The following PCDHGA1 variants were observed in gnomAD, a reference collection of about 807,000 sequenced individuals.
The protein encoded by PCDHGA1 is protocadherin gamma subfamily A, 1, also known as protocadherin gamma-A1.
PCDHGA1 carries 32 observed loss-of-function variants against 58.0 expected under a neutral mutation model. The ratio of observed to expected loss-of-function variants is 0.55; its 90% confidence interval spans 0.42 to 0.74. The LOEUF (loss-of-function observed/expected upper bound fraction) is 0.74. Among genes scored for constraint, PCDHGA1 ranks in the 30% least tolerant of loss-of-function variants. PCDHGA1 has a pLI of 0.00. For synonymous variants in PCDHGA1, 498 were observed against 501.1 expected, an observed-to-expected ratio of 0.99 and a Z score of 0.08; for missense variants, 1,205 against 1,182.3, an observed-to-expected ratio of 1.02 and a Z score of -0.28.
At chr5:141,451,892 A>C (rs1215224398) in intron 1 of PCDHGA1, among the ~76,000 whole-genome samples, 2 of 152,114 alleles carry the variant, frequency 1.3e-5, no homozygotes, top group Non-Finnish European at 2.9e-5. Context: ...AAAGAAAGGA[A>C]GGAACAAGGG....
chr5:141,344,238 A>C (rs1046741074), intron 1 of PCDHGA1: 3 of 1,614,044 alleles, frequency 1.9e-6, no homozygotes, highest in East Asian at 2.2e-5. Context: ...CATCGTCTCC[A>C]GAGGTAGGAC....
chr5:141,337,891 T>C (rs1232511777), intron 1 of PCDHGA1, among the ~76,000 whole-genome samples: 2 of 152,226 alleles, frequency 1.3e-5, no homozygotes, highest in Non-Finnish European at 2.9e-5. Context: ...TGATTCCTAG[T>C]GTGGTGAAAA....
chr5:141,356,695 G>T, intron 1 of PCDHGA1: 2 of 1,614,004 alleles, frequency 1.2e-6, no homozygotes, highest in Non-Finnish European at 1.7e-6. Context: ...CTTCCAGGGT[G>T]CACCTCTGTC....
intron 1 of PCDHGA1, chr5:141,342,966 C>G (rs1757233380): frequency 6.6e-6 from 1 of 152,230 alleles, no homozygotes; most frequent in Non-Finnish European, 1.5e-5. Context: ...ATGCTGTTCT[C>G]TCCCACATCC....
In PCDHGA1 at chr5:141,382,874, G is replaced by T. The variant is rs369372304; in HGVS notation, c.2421+49769G>T. On this transcript the variant is annotated intron_variant, in intron 1 of 3. Coordinates refer to ENST00000517417, the MANE Select transcript of PCDHGA1 (RefSeq NM_018912.3). ...TTCTGAAGCACTTCCCGAGATCGGC[G>T]CCTAAGCAAGAGAAGCAGGACGACT... 2.9e-4 allele frequency: 441 copies of T among 1,522,954 alleles called. 1 individual carries two copies. The highest frequency in any genetic ancestry group is 3.8e-4 in the Non-Finnish European group (430 of 1,137,240). 94.3% of individuals were successfully genotyped at this position (1,522,954 alleles called of 1,614,324 possible).
At position 141,486,427 on chromosome 5, in the gene PCDHGA1, A is replaced by T. The variant is rs775958317; in HGVS notation, c.2422-8380A>T. ...CTGGACCCTTGGATCGAGAGGCCAAATCTAGCTATGACATCATGGTCACTG... is the reference window on the plus strand; with the variant it reads ...CTGGACCCTTGGATCGAGAGGCCAATTCTAGCTATGACATCATGGTCACTG... On this transcript the variant is annotated intron_variant, in intron 1 of 3. Transcript: ENST00000517417. The surrounding 1 kb of genome is among the most constrained non-coding windows in gnomAD (Gnocchi z 5.0). 17 of 1,614,042 alleles carry T rather than the reference A, an allele frequency of 1.1e-5. No homozygotes were observed. The Admixed American group carries it at 2.8e-4, about 27-fold the overall frequency.
In PCDHGA1 at chr5:141,356,423, G is replaced by C. The variant is rs760964193; in HGVS notation, c.2421+23318G>C. 20 of 1,606,564 alleles carry C rather than the reference G, an allele frequency of 1.2e-5. No individual in the cohort carries two copies. The Admixed American group carries it at 2.6e-4, about 21-fold the overall frequency. On this transcript the variant is annotated intron_variant, in intron 1 of 3. Transcript: ENST00000517417. ...AATTATTATCGGTTGTTGACACACA[G>C]AACACTGGACAGGGAAGAAGTCTCA... is the stretch of plus-strand genomic sequence containing the variant.
chr5:141,384,817 CA>C (rs1780547722), intron 1 of PCDHGA1: 1 of 1,613,416 alleles, frequency 6.2e-7, no homozygotes, highest in Non-Finnish European at 8.5e-7. Flanking sequence ...TGCCCTCAAG[CA>C]GAGCCTCGTG....
In PCDHGA1 at chr5:141,409,025, G is replaced by T. The variant is rs202094928; in HGVS notation, c.2421+75920G>T. Reference sequence around the variant, plus strand: ...CACTGACCAGGATGAGGGGGTCAATGCTGAGATAAACTACTACTTCCGAAG... The same window carrying T: ...CACTGACCAGGATGAGGGGGTCAATTCTGAGATAAACTACTACTTCCGAAG... On this transcript the variant is annotated intron_variant, in intron 1 of 3. Coordinates refer to ENST00000517417, the MANE Select transcript of PCDHGA1 (RefSeq NM_018912.3). 2.9e-3 allele frequency: 4,667 copies of T among 1,614,008 alleles called. 11 individuals are homozygous for T. The highest frequency in any genetic ancestry group is 3.6e-3 in the Non-Finnish European group (4,254 of 1,179,906).
chr5:141,419,647 G>C (rs370948584), intron 1 of PCDHGA1: 6 of 1,612,592 alleles, frequency 3.7e-6, no homozygotes, highest in Non-Finnish European at 5.1e-6. Context: ...CCGTGGACGC[G>C]GACTCGGGGC....
intron 1 of PCDHGA1, among the ~76,000 whole-genome samples, chr5:141,457,931 T>G (rs1335457669): frequency 6.6e-6 from 1 of 152,184 alleles, no homozygotes; most frequent in Non-Finnish European, 1.5e-5. Context: ...CCAAGGGGCT[T>G]TTATTGGCTC....
intron 1 of PCDHGA1, chr5:141,410,562 C>A (rs748563687): frequency 1.9e-6 from 3 of 1,612,718 alleles, no homozygotes; most frequent in Non-Finnish European, 2.5e-6. Context: ...TCTCCTGGAG[C>A]CTTAATTCCA....
intron 1 of PCDHGA1, chr5:141,352,398 G>T (rs1212224200): frequency 6.2e-7 from 1 of 1,613,996 alleles, no homozygotes; most frequent in East Asian, 2.2e-5. Context: ...CGCCTGCGAC[G>T]TTCCTCCAGC....
chr5:141,398,931 C>T, intron 1 of PCDHGA1: 2 of 1,613,956 alleles, frequency 1.2e-6, no homozygotes, highest in East Asian at 4.5e-5. Context: ...CAGCCACTGA[C>T]CAAGACGAGG....
chr5:141,427,751 C>G (rs778043340), intron 1 of PCDHGA1: 6 of 1,306,076 alleles, frequency 4.6e-6, no homozygotes, highest in Non-Finnish European at 6.6e-6. Context: ...CCTACTCCAT[C>G]GTTACCACTG....
Position 141,332,223 on chromosome 5 carries a change from C to A in PCDHGA1, c.1539C>A (p.Val513=), listed in dbSNP as rs766487737. 6.2e-7 allele frequency: 1 copy of A among 1,614,232 alleles called. No individual in the cohort carries two copies. Among genetic ancestry groups the A allele is most frequent in the East Asian group, 2.2e-5 (1 of 44,876 alleles). Residue 513 remains valine (V), a synonymous_variant, in exon 1 of 4, where the codon GTC becomes GTA. Coordinates refer to ENST00000517417, the MANE Select transcript of PCDHGA1 (RefSeq NM_018912.3). This position sits in a 1 kb window ranked among gnomAD's most constrained non-coding sequence, Gnocchi z 4.6. Reference sequence around the variant, plus strand: ...TCTCCATCAACTCCGACACTGGGGTCCTGTATGCGCTGCGATCCTTCGACT... The same window carrying A: ...TCTCCATCAACTCCGACACTGGGGTACTGTATGCGCTGCGATCCTTCGACT... ...AYLSINSDTG[V]LYALRSFDYE... is the part of the protein sequence containing the mutation.
chr5:141,332,357 A>G lies in PCDHGA1; in HGVS notation c.1673A>G (p.Asn558Ser), dbSNP rs142949915. ...LSLFLLDQNDNAPEILYPALP... is the reference protein window; with the variant it reads ...LSLFLLDQNDSAPEILYPALP... ...CTATTCCTGCTGGACCAGAACGACA[A>G]CGCGCCCGAGATCCTGTACCCCGCC... Residue 558 changes from asparagine (N) to serine (S), a missense_variant, in exon 1 of 4, where the codon AAC becomes AGC. Coordinates refer to ENST00000517417, the MANE Select transcript of PCDHGA1 (RefSeq NM_018912.3). The surrounding 1 kb of genome is among the most constrained non-coding windows in gnomAD (Gnocchi z 4.6). The G allele has an allele frequency of 1.0e-4, 167 of 1,613,896 alleles. No individual in the cohort carries two copies. Among genetic ancestry groups the G allele is most frequent in the Non-Finnish European group, 1.4e-4 (166 of 1,179,996 alleles).
intron 1 of PCDHGA1, chr5:141,344,650 A>G (rs1396290994): frequency 5.0e-6 from 8 of 1,613,846 alleles, no homozygotes; most frequent in African/African-American, 1.3e-5. Context: ...GAGAAAAAAG[A>G]AATTCACCAG....
chr5:141,409,143 G>A (rs778597273), intron 1 of PCDHGA1: 1 of 1,613,868 alleles, frequency 6.2e-7, no homozygotes, highest in African/African-American at 1.3e-5. Flanking sequence ...GATGTAGAAA[G>A]GTACACCATG....
Sources: allele counts gnomAD v4.1 joint callset (sites outside exome capture counted in the v4.1 genomes callset), GRCh38; gene constraint gnomAD v4.1.1; non-coding constraint Gnocchi (gnomAD v3.1); transcripts MANE v1.5; gene names NCBI Gene and HGNC (gene_info 2026-07-23, HGNC 2026-07-21).